Variants in OR8B2 observed in about 807,000 individuals in gnomAD.
OR8B2 encodes the protein olfactory receptor family 8 subfamily B member 2.
For missense variants in OR8B2, 304 were observed against 379.6 expected (o/e 0.80, Z 1.65); for synonymous variants, 98 against 138.2 (o/e 0.71, Z 2.04).
upstream of OR8B2, among the ~76,000 whole-genome samples, chr11:124,385,064 TTTTAA>T (rs1394744932): frequency 2.6e-5 from 4 of 152,216 alleles, no homozygotes; most frequent in African/African-American, 9.6e-5. Context: ...AAAAGGATAC[TTTTAA>T]TTGATTTCAG....
At chr11:124,387,962 A>G (rs1243133039), upstream of OR8B2, among the ~76,000 whole-genome samples, 1 of 151,438 alleles carries the variant, frequency 6.6e-6, no homozygotes, top group Non-Finnish European at 1.5e-5. Flanking sequence ...TTCTCCTTGA[A>G]GAGGTCCTTC....
the OR8B2 span, chr11:124,396,776 G>A: frequency 6.2e-7 from 1 of 1,613,646 alleles, no homozygotes; most frequent in Non-Finnish European, 8.5e-7. Flanking sequence ...CGTTGACATA[G>A]GTGCTGGTGC....
At chr11:124,393,702 C>T in the OR8B2 span, among the ~76,000 whole-genome samples, 1 of 152,204 alleles carries the variant, frequency 6.6e-6, no homozygotes, top group Non-Finnish European at 1.5e-5. Context: ...TGTGGCCATT[C>T]TTCAGGGATC....
chr11:124,388,927 G>C (rs61220141), upstream of OR8B2, among the ~76,000 whole-genome samples: 306 of 151,136 alleles, frequency 2.0e-3, 2 homozygotes, highest in African/African-American at 7.0e-3. Flanking sequence ...CTGGGTTCAA[G>C]TGATTCTTCT....
At chr11:124,392,180 G>A in the OR8B2 span, among the ~76,000 whole-genome samples, 1 of 110,144 alleles carries the variant, frequency 9.1e-6, no homozygotes, top group Non-Finnish European at 1.8e-5. Context: ...AAAACTGGAA[G>A]CATTCCCTTT....
chr11:124,387,169 C>G (rs1364971106), upstream of OR8B2, among the ~76,000 whole-genome samples: 60 of 152,236 alleles, frequency 3.9e-4, no homozygotes, highest in African/African-American at 6.3e-4. Flanking sequence ...CCCTTTGTCA[C>G]ATGAGTAGGT....
At chr11:124,383,669 C>CT (rs1860647469) in intron 1 of OR8B2, among the ~76,000 whole-genome samples, 1 of 152,226 alleles carries the variant, frequency 6.6e-6, no homozygotes, top group East Asian at 1.9e-4. Flanking sequence ...TCACTTCCAT[C>CT]TGTCCCTTCA....
At chr11:124,396,968 A>T in the OR8B2 span, 1 of 1,613,554 alleles carries the variant, frequency 6.2e-7, no homozygotes, top group East Asian at 2.2e-5. Flanking sequence ...ACAGCAATGG[A>T]TTACAGATGG....
Position 124,383,087 on chromosome 11 carries a change from A to G in OR8B2, c.257T>C (p.Val86Ala). ...VFTPKMLMNFVSKKNIISNVG... is the reference protein window; with the variant it reads ...VFTPKMLMNFASKKNIISNVG... ...ATTGGAGATAATATTCTTTTTTGACACAAAGTTCATTAGCATTTTGGGAGT... is the reference window on the plus strand; with the variant it reads ...ATTGGAGATAATATTCTTTTTTGACGCAAAGTTCATTAGCATTTTGGGAGT... The change falls in exon 2 of 2, where the codon GTG (valine) becomes GCG (alanine). Residue 86 changes from valine to alanine, a missense_variant. Physicochemically the swap from Val to Ala is moderately conservative, Grantham distance 64 (BLOSUM62 0). Transcript: ENST00000641451. 6.2e-7 allele frequency: 1 copy of G among 1,613,936 alleles called. No individual in the cohort carries two copies. The highest frequency in any genetic ancestry group is 8.5e-7 in the Non-Finnish European group (1 of 1,179,862).
chr11:124,389,943 G>A, the OR8B2 span, among the ~76,000 whole-genome samples: 5 of 151,982 alleles, frequency 3.3e-5, no homozygotes, highest in Middle Eastern at 3.2e-3. Context: ...AAAATATGAA[G>A]ACTAATAAAG....
At chr11:124,386,486 C>G (rs1565347614), upstream of OR8B2, among the ~76,000 whole-genome samples, 1 of 144,310 alleles carries the variant, frequency 6.9e-6, no homozygotes. Flanking sequence ...CAATTCCCAC[C>G]TATGAGTGAG....
At chr11:124,396,255 A>G in the OR8B2 span, 5 of 786,376 alleles carry the variant, frequency 6.4e-6, no homozygotes, top group Admixed American at 1.7e-4. Flanking sequence ...ATGCAAAACC[A>G]AAAAAAGAGA....
At chr11:124,395,376 G>A in the OR8B2 span, among the ~76,000 whole-genome samples, 5 of 152,060 alleles carry the variant, frequency 3.3e-5, no homozygotes, top group East Asian at 1.9e-4. Context: ...AAAAGAATTC[G>A]ACAAAATAAA....
In OR8B2 at chr11:124,383,319, C is replaced by G. The variant is rs1185586244; in HGVS notation, c.25G>C (p.Val9Leu). ...AATCCAGCAAGAATAAATTCAGTCA[C>G]TAAGGAGTTGTTTCTAGCCAGCATT... MLARNNSL[V>L]TEFILAGLTD... The change falls in exon 2 of 2, where the codon GTG becomes CTG. Residue 9 changes from valine (V) to leucine (L), a missense_variant. Transcript: ENST00000641451. The G allele has an allele frequency of 1.2e-6, 2 of 1,610,080 alleles. No individual in the cohort carries two copies. Among genetic ancestry groups the G allele is most frequent in the Non-Finnish European group, 1.7e-6 (2 of 1,178,444 alleles).
chr11:124,390,087 T>G, the OR8B2 span, among the ~76,000 whole-genome samples: 49,751 of 151,888 alleles, frequency 0.33, 8,209 homozygotes, highest in African/African-American at 0.4. Flanking sequence ...CCCCACAGCT[T>G]GTGCTTGGCC....
At chr11:124,386,863 C>A (rs1321964993), upstream of OR8B2, among the ~76,000 whole-genome samples, 1 of 150,812 alleles carries the variant, frequency 6.6e-6, no homozygotes, top group Non-Finnish European at 1.5e-5. Flanking sequence ...AACTAGTTTA[C>A]AGTCCCACCA....
chr11:124,388,239 A>C (rs7117929), upstream of OR8B2, among the ~76,000 whole-genome samples: 15,016 of 97,926 alleles, frequency 0.15, 329 homozygotes, highest in Middle Eastern at 0.2. Flanking sequence ...TTCCTAATTG[A>C]ATACCCTTTA....
the OR8B2 span, chr11:124,397,066 C>G: frequency 2.5e-6 from 4 of 1,613,836 alleles, no homozygotes; most frequent in Non-Finnish European, 2.5e-6. Context: ...GTCATGCACC[C>G]AACATAGGAG....
upstream of OR8B2, among the ~76,000 whole-genome samples, chr11:124,386,095 T>C (rs4057885): frequency 0.33 from 49,734 of 151,912 alleles, 8,220 homozygotes; most frequent in African/African-American, 0.4. Flanking sequence ...GGTCAGATGT[T>C]GTAAGAATGC....
Sources: allele counts gnomAD v4.1 joint callset (sites outside exome capture counted in the v4.1 genomes callset), GRCh38; gene constraint gnomAD v4.1.1; transcripts MANE v1.5; gene names NCBI Gene and HGNC (gene_info 2026-07-23, HGNC 2026-07-21).